SPMAP2L: variants seen among roughly 807,000 people sequenced by gnomAD.
SPMAP2L encodes sperm microtubule associated protein 2-like.
the SPMAP2L span, among the ~76,000 whole-genome samples, chr4:56,592,210 A>G: frequency 1.3e-5 from 2 of 152,194 alleles, no homozygotes; most frequent in Non-Finnish European, 2.9e-5. Context: ...TGATTATCCA[A>G]GTTGGAACAG....
the SPMAP2L span, among the ~76,000 whole-genome samples, chr4:56,551,404 G>A: frequency 1.3e-5 from 2 of 152,130 alleles, no homozygotes; most frequent in South Asian, 2.1e-4. Flanking sequence ...GTAAGATGGT[G>A]CATCAATCTG....
chr4:56,614,727 C>G, the SPMAP2L span, among the ~76,000 whole-genome samples: 7 of 152,274 alleles, frequency 4.6e-5, no homozygotes, highest in South Asian at 1.4e-3. Flanking sequence ...TGAAACACTT[C>G]TGAGTACAGG....
chr4:56,550,422 GAT>G, the SPMAP2L span, among the ~76,000 whole-genome samples: 1 of 152,138 alleles, frequency 6.6e-6, no homozygotes, highest in African/African-American at 2.4e-5. Flanking sequence ...AGATAGGACA[GAT>G]ATATCAACTA....
At chr4:56,538,399 G>A in the SPMAP2L span, among the ~76,000 whole-genome samples, 2 of 152,148 alleles carry the variant, frequency 1.3e-5, no homozygotes, top group Admixed American at 6.5e-5. Context: ...GTTTTTAAGA[G>A]GTGGGAAAGC....
chr4:56,579,761 C>A, the SPMAP2L span, among the ~76,000 whole-genome samples: 1 of 151,996 alleles, frequency 6.6e-6, no homozygotes, highest in Non-Finnish European at 1.5e-5. Flanking sequence ...AAAACAAGAC[C>A]CTGATTTTGA....
chr4:56,568,619 G>T, the SPMAP2L span, among the ~76,000 whole-genome samples: 2 of 152,134 alleles, frequency 1.3e-5, no homozygotes, highest in Non-Finnish European at 2.9e-5. Context: ...CTGCACTCAG[G>T]AGTTAAGACC....
chr4:56,620,158 G>T, the SPMAP2L span, among the ~76,000 whole-genome samples: 1 of 152,206 alleles, frequency 6.6e-6, no homozygotes, highest in African/African-American at 2.4e-5. Context: ...CCTACAATCT[G>T]CAGTCACTTC....
the SPMAP2L span, among the ~76,000 whole-genome samples, chr4:56,610,445 C>T: frequency 6.6e-6 from 1 of 152,190 alleles, no homozygotes; most frequent in East Asian, 1.9e-4. Flanking sequence ...CAAAAATCAA[C>T]TCAAGATGGA....
At chr4:56,568,991 A>C in the SPMAP2L span, among the ~76,000 whole-genome samples, 1 of 152,284 alleles carries the variant, frequency 6.6e-6, no homozygotes, top group East Asian at 1.9e-4. Flanking sequence ...TGTATAAGTA[A>C]ATTTGTTTTT....
chr4:56,584,682 A>C, the SPMAP2L span: 76,531 of 1,050,270 alleles, frequency 0.073, 3,987 homozygotes, highest in East Asian at 0.25. Context: ...CTTTTTCTAG[A>C]TGTGTTTTCC....
chr4:56,571,127 T>TAA, the SPMAP2L span, among the ~76,000 whole-genome samples: 32 of 144,944 alleles, frequency 2.2e-4, no homozygotes, highest in East Asian at 4.0e-4. Context: ...CTTTTTAACT[T>TAA]AAAAAAAAAA....
the SPMAP2L span, among the ~76,000 whole-genome samples, chr4:56,537,849 C>T: frequency 4.6e-5 from 7 of 152,078 alleles, no homozygotes; most frequent in South Asian, 6.2e-4. Context: ...CCCGCCACCA[C>T]GCCCGGCTAA....
chr4:56,601,424 C>T, the SPMAP2L span, among the ~76,000 whole-genome samples: 1 of 151,900 alleles, frequency 6.6e-6, no homozygotes, highest in Non-Finnish European at 1.5e-5. Flanking sequence ...TTGGAGACCA[C>T]CCTGGGGAAC....
At chr4:56,559,993 G>A in the SPMAP2L span, among the ~76,000 whole-genome samples, 1 of 152,140 alleles carries the variant, frequency 6.6e-6, no homozygotes, top group Non-Finnish European at 1.5e-5. Context: ...GATGCTACAG[G>A]TAAGCTTTTC....
the SPMAP2L span, among the ~76,000 whole-genome samples, chr4:56,612,533 G>A: frequency 6.7e-6 from 1 of 150,308 alleles, no homozygotes; most frequent in Non-Finnish European, 1.5e-5. Context: ...CACCCTGGTG[G>A]CCAGGTTGTT....
the SPMAP2L span, among the ~76,000 whole-genome samples, chr4:56,548,311 T>C: frequency 6.6e-6 from 1 of 152,182 alleles, no homozygotes; most frequent in South Asian, 2.1e-4. Flanking sequence ...TATCTTCATA[T>C]GTGAATTCTG....
chr4:56,543,817 G>A, the SPMAP2L span, among the ~76,000 whole-genome samples: 2 of 150,902 alleles, frequency 1.3e-5, no homozygotes, highest in Non-Finnish European at 2.9e-5. Flanking sequence ...CCTTTCCTTC[G>A]CTTAACCTAT....
chr4:56,554,562 G>A, the SPMAP2L span, among the ~76,000 whole-genome samples: 17,571 of 152,122 alleles, frequency 0.12, 1,059 homozygotes, highest in East Asian at 0.2. Flanking sequence ...TTGGATGCCA[G>A]TCCTTTATCA....
the SPMAP2L span, among the ~76,000 whole-genome samples, chr4:56,587,786 CAAGT>C: frequency 1.3e-5 from 2 of 152,280 alleles, no homozygotes; most frequent in South Asian, 4.1e-4. Flanking sequence ...CATGCATGTG[CAAGT>C]ATCTTTTTCA....
Sources: gnomAD v4.1 joint callset for allele counts (sites outside exome capture counted in the v4.1 genomes callset) on GRCh38, gnomAD v4.1.1 for gene constraint, MANE v1.5 for transcripts, NCBI Gene and HGNC (gene_info 2026-07-23, HGNC 2026-07-21) for gene names.